Variants in DNMT3B observed in about 807,000 individuals in gnomAD.
The protein encoded by DNMT3B is DNA (cytosine-5)-methyltransferase 3B.
DNMT3B carries 37 observed loss-of-function variants against 120.2 expected under a neutral mutation model. The observed-to-expected ratio is 0.31, with a 90% CI of 0.24 to 0.40. The LOEUF is 0.40. Ranked by LOEUF, DNMT3B falls within the 10% of genes least tolerant of loss-of-function variation. DNMT3B has a pLI of 1.00. For missense variants in DNMT3B, 878 were observed against 1,137.3 expected, an observed-to-expected ratio of 0.77 and a Z score of 3.28; for synonymous variants, 412 against 442.8, an observed-to-expected ratio of 0.93 and a Z score of 0.87.
At chr20:32,767,878 G>A (rs1987480342) in intron 1 of DNMT3B, among the ~76,000 whole-genome samples, 1 of 152,202 alleles carries the variant, frequency 6.6e-6, no homozygotes, top group South Asian at 2.1e-4. Flanking sequence ...AGGCTTTTCT[G>A]GATTCCAGCA....
In DNMT3B at chr20:32,780,336, A is replaced by G. The variant is rs1180045669; in HGVS notation, c.13A>G (p.Thr5Ala). 6.2e-7 allele frequency: 1 copy of G among 1,613,974 alleles called. No individual in the cohort carries two copies. The highest frequency in any genetic ancestry group is 1.1e-5 in the South Asian group (1 of 91,064). Reference sequence around the variant, plus strand: ...CCCACAGGAAAGCATGAAGGGAGACACCAGGCATCTCAATGGAGAGGAGGA... The same window carrying G: ...CCCACAGGAAAGCATGAAGGGAGACGCCAGGCATCTCAATGGAGAGGAGGA... MKGD[T>A]RHLNGEEDAG... is the part of the protein sequence containing the mutation. The change falls in exon 2 of 23, where the codon ACC becomes GCC. Residue 5 changes from threonine (T) to alanine (A), a missense_variant. This residue lies in a region of DNMT3B where 287 missense variants were observed against 306.2 expected (regional missense o/e 0.94). Transcript: ENST00000328111.
intron 1 of DNMT3B, among the ~76,000 whole-genome samples, chr20:32,777,526 C>T (rs1196466719): frequency 6.6e-6 from 1 of 152,174 alleles, no homozygotes; most frequent in Non-Finnish European, 1.5e-5. Flanking sequence ...TCACTCCAGG[C>T]CTCTGGTCTG....
At chr20:32,803,974 A>G (rs1981673540) in intron 20 of DNMT3B, among the ~76,000 whole-genome samples, 1 of 152,162 alleles carries the variant, frequency 6.6e-6, no homozygotes, top group African/African-American at 2.4e-5. Flanking sequence ...AGACTGCTCA[A>G]AGAAGGAGAG....
At chr20:32,782,737 A>G (rs1049252556) in intron 3 of DNMT3B, among the ~76,000 whole-genome samples, 3 of 114,194 alleles carry the variant, frequency 2.6e-5, no homozygotes, top group Middle Eastern at 3.5e-3. Context: ...ATAGACAAAA[A>G]CAGAGCACAT....
intron 20 of DNMT3B, among the ~76,000 whole-genome samples, 171 bp downstream of exon 20, chr20:32,802,641 T>C (rs559307049): frequency 1.3e-5 from 2 of 152,330 alleles, no homozygotes; most frequent in African/African-American, 4.8e-5. Context: ...GTTCAGCAAG[T>C]ACCTGGGAAT....
In DNMT3B at chr20:32,792,596, C is replaced by G. The variant is rs186977189; in HGVS notation, c.922-30C>G. The G allele has an allele frequency of 9.3e-6, 15 of 1,614,076 alleles. No homozygotes were observed. In the African/African-American group the frequency reaches 2.0e-4, roughly 22 times the overall value. Reference sequence around the variant, plus strand: ...CCTGGCGAGCACCTCCTCCCCACCCCCCCATTCATCACAGACTCTGCCTTT... The same window carrying G: ...CCTGGCGAGCACCTCCTCCCCACCCGCCCATTCATCACAGACTCTGCCTTT... On this transcript the variant is annotated intron_variant, in intron 8 of 22. Transcript: ENST00000328111.
At position 32,802,158 on chromosome 20, in the gene DNMT3B, G is replaced by A. The variant is rs138942673; in HGVS notation, c.2146-227G>A. ...AATCTGGCGTATCCCAGGGGATACC[G>A]TCTCAGAATCTGCAGGTTTGACCTT... On this transcript the variant is annotated intron_variant, in intron 19 of 22. Transcript: ENST00000328111. Among the ~76,000 whole-genome samples the A allele has an allele frequency of 3.6e-3, 541 of 152,212 alleles. 4 individuals carry two copies. Among genetic ancestry groups the A allele is most frequent in the East Asian group, 0.026 (134 of 5,168 alleles).
chr20:32,780,989 C>T (rs1321701849), intron 2 of DNMT3B, among the ~76,000 whole-genome samples: 2 of 152,236 alleles, frequency 1.3e-5, no homozygotes, highest in African/African-American at 4.8e-5. Context: ...CCCACAATAG[C>T]CACACTCTAC....
chr20:32,794,321 T>TGACA (rs2145994094), intron 10 of DNMT3B, among the ~76,000 whole-genome samples: 1 of 114,822 alleles, frequency 8.7e-6, no homozygotes, highest in East Asian at 2.9e-4. Flanking sequence ...CCAGCCTGGG[T>TGACA]GACACACTGA....
At chr20:32,771,981 A>T (rs1056207841) in intron 1 of DNMT3B, among the ~76,000 whole-genome samples, 19 of 152,244 alleles carry the variant, frequency 1.2e-4, no homozygotes, top group Non-Finnish European at 1.5e-4. Context: ...AATGCTGCAG[A>T]GAAATGGCTT....
At position 32,769,965 on chromosome 20, in the gene DNMT3B, T is replaced by A. The variant is rs537950706; in HGVS notation, c.-7+7266T>A. The stretch of plus-strand genomic sequence containing the variant: ...CAGTTATTTCTTACTTTTTAAAAAA[T>A]TTTTTAAGACAGGTCTCTGGAGTTC... On this transcript the variant is annotated intron_variant, in intron 1 of 22. Coordinates refer to ENST00000328111, the MANE Select transcript of DNMT3B (RefSeq NM_006892.4). 1.3e-4 allele frequency among the ~76,000 whole-genome samples: 20 copies of A among 152,222 alleles called. No individual in the cohort carries two copies. The East Asian group carries it at 2.5e-3, about 19-fold the overall frequency.
chr20:32,775,511 T>C (rs1421368176), intron 1 of DNMT3B, among the ~76,000 whole-genome samples: 1 of 152,208 alleles, frequency 6.6e-6, no homozygotes, highest in Non-Finnish European at 1.5e-5. Flanking sequence ...ACATCTGACC[T>C]GGTTCAGTCG....
chr20:32,789,855 G>A (rs1357895567), intron 7 of DNMT3B, among the ~76,000 whole-genome samples: 2 of 152,256 alleles, frequency 1.3e-5, no homozygotes, highest in African/African-American at 4.8e-5. Flanking sequence ...CGGCCTCCCA[G>A]TGCTGGGATT....
intron 9 of DNMT3B, 51 bp downstream of exon 9, chr20:32,792,821 C>T (rs778995560): frequency 6.2e-7 from 1 of 1,612,040 alleles, no homozygotes; most frequent in South Asian, 1.1e-5. Context: ...GGTGGGACCA[C>T]TTCTTGGGAG....
chr20:32,781,242 G>A, intron 2 of DNMT3B, 111 bp from the exon 3 acceptor site: 1 of 1,043,006 alleles, frequency 9.6e-7, no homozygotes. Context: ...GCTGACAATA[G>A]TGTAGGGGAG....
chr20:32,788,136 A>T (rs989865151), intron 6 of DNMT3B, among the ~76,000 whole-genome samples: 2 of 152,130 alleles, frequency 1.3e-5, no homozygotes, highest in African/African-American at 4.8e-5. Flanking sequence ...CTGGGCTTAA[A>T]CGTGCAAGTC....
rs1398443569 is a variant in DNMT3B at position 32,791,551 on chromosome 20, C to T, written c.814-50C>T. On this transcript the variant is annotated intron_variant, in intron 7 of 22. Transcript: ENST00000328111. Reference sequence around the variant, plus strand: ...ATGGACAACATTGTGATAGACATGGCACCTGGGACACACCTGTAGGTGGAT... The same window carrying T: ...ATGGACAACATTGTGATAGACATGGTACCTGGGACACACCTGTAGGTGGAT... 1.9e-6 allele frequency: 3 copies of T among 1,572,848 alleles called. No individual in the cohort carries two copies. The African/African-American group carries it at 4.0e-5, about 21-fold the overall frequency.
At position 32,795,678 on chromosome 20, in the gene DNMT3B, C is replaced by G. The variant is rs756734821; in HGVS notation, c.1281C>G (p.Asn427Lys). ...REQMASDVAN[N>K]KSSLEDGCLS... Reference sequence around the variant, plus strand: ...AAATGGCTTCAGATGTTGCCAACAACAAGAGCAGCCTGGAAGGTAACGTTC... The same window carrying G: ...AAATGGCTTCAGATGTTGCCAACAAGAAGAGCAGCCTGGAAGGTAACGTTC... Residue 427 changes from asparagine to lysine, a missense_variant, in exon 12 of 23, where the codon AAC becomes AAG. By Grantham distance (94) the Asn-to-Lys change is moderately conservative (BLOSUM62 0). This residue lies in a region of DNMT3B where 207 missense variants were observed against 222.6 expected (regional missense o/e 0.93). Coordinates refer to ENST00000328111, the MANE Select transcript of DNMT3B (RefSeq NM_006892.4). 10 of 1,614,178 alleles carry G rather than the reference C, an allele frequency of 6.2e-6. No homozygotes were observed. The highest frequency in any genetic ancestry group is 8.5e-6 in the Non-Finnish European group (10 of 1,180,050).
chr20:32,773,947 T>TG (rs1439885042), intron 1 of DNMT3B, among the ~76,000 whole-genome samples: 7 of 144,344 alleles, frequency 4.8e-5, no homozygotes, highest in African/African-American at 1.6e-4. Flanking sequence ...TTTTTTTTTT[T>TG]TTTTTTTTTT....
Sources: allele counts gnomAD v4.1 joint callset (sites outside exome capture counted in the v4.1 genomes callset), GRCh38; gene constraint gnomAD v4.1.1; regional missense constraint gnomAD v4.1.1; transcripts MANE v1.5; gene names NCBI Gene and HGNC (gene_info 2026-07-23, HGNC 2026-07-21).